Variants in SLC39A8 observed in about 807,000 individuals in gnomAD.
SLC39A8 encodes the protein metal cation symporter ZIP8.
In SLC39A8, 15 loss-of-function variants were observed where a neutral mutation model predicts 40.4. The observed-to-expected ratio is 0.37, with a 90% confidence interval of 0.25 to 0.57. The LOEUF is 0.57. Ranked by LOEUF, SLC39A8 falls within the 20% of genes least tolerant of loss-of-function variation. The probability of loss-of-function intolerance (pLI) is 0.75; values close to 1 mark genes in which losing one functional copy is unlikely to be tolerated. For synonymous variants in SLC39A8, 223 were observed against 221.6 expected (o/e 1.01, Z -0.06); for missense variants, 472 against 558.8 (o/e 0.84, Z 1.57).
In SLC39A8 at chr4:102,267,547, T is replaced by C; in HGVS notation, c.1176A>G (p.Pro392=). The C allele has an allele frequency of 6.2e-7, 1 of 1,614,016 alleles. No individual in the cohort carries two copies. Among genetic ancestry groups the C allele is most frequent in the East Asian group, 2.2e-5 (1 of 44,876 alleles). Residue 392 remains proline, a synonymous_variant, in exon 8 of 9, where the codon CCA becomes CCG. Coordinates refer to ENST00000356736, the MANE Select transcript of SLC39A8 (RefSeq NM_001135146.2). ...FGILVGNNFA[P]NIIFALAGGM... ...CTCCAGCAAGTGCAAATATAATATT[T>C]GGAGCGAAATTGTTGCCCACCAAAA...
In SLC39A8 at chr4:102,304,373, C is replaced by T; in HGVS notation, c.784G>A (p.Val262Ile). The T allele has an allele frequency of 1.2e-6, 2 of 1,611,676 alleles. No homozygotes were observed. Among genetic ancestry groups the T allele is most frequent in the Non-Finnish European group, 8.5e-7 (1 of 1,178,414 alleles). The part of the protein sequence containing the change: ...NGVTCYANPA[V>I]TEANGHIHFD... ...TGGATATGTCCATTAGCTTCTGTGA[C>T]AGCAGGATTTGCATAGCATGTCACA... The change falls in exon 6 of 9, where the codon GTC (valine) becomes ATC (isoleucine). Residue 262 changes from valine (V) to isoleucine (I), a missense_variant. By Grantham distance (29) the Val-to-Ile change is conservative (BLOSUM62 3). This residue lies in a region of SLC39A8 where 239 missense variants were observed against 317.9 expected (regional missense o/e 0.75). Transcript: ENST00000356736.
intron 2 of SLC39A8, among the ~76,000 whole-genome samples, chr4:102,317,494 G>A (rs1416068495): frequency 6.6e-6 from 1 of 152,148 alleles, no homozygotes; most frequent in East Asian, 1.9e-4. Context: ...AGCTCAGAAT[G>A]ATGTATAATA....
chr4:102,328,615 T>C (rs1299524405), intron 2 of SLC39A8, among the ~76,000 whole-genome samples: 1 of 152,252 alleles, frequency 6.6e-6, no homozygotes, highest in African/African-American at 2.4e-5. Context: ...ATTTCTTGAA[T>C]ATCGCCTAAA....
At chr4:102,341,113 G>C (rs560658364) in intron 2 of SLC39A8, among the ~76,000 whole-genome samples, 7 of 152,130 alleles carry the variant, frequency 4.6e-5, no homozygotes, top group South Asian at 2.1e-4. Context: ...GTGTTGCTTT[G>C]AGAAGACTGA....
intron 11 of SLC39A8, among the ~76,000 whole-genome samples, chr4:102,254,613 C>T (rs1323850920): frequency 6.6e-6 from 1 of 152,208 alleles, no homozygotes; most frequent in African/African-American, 2.4e-5. Context: ...AATAACTTGA[C>T]AACCAGGTGA....
rs201150885 is a variant in SLC39A8, at chr4:102,267,906, T to C, written c.1014A>G (p.Ile338Met). ...GGGGAAACTCCTCACATAGGATTGC[T>C]ATGGAAGTACTGAGTCCCTGAAGGA... ...LSLLQGLSTS[I>M]AILCEEFPHE... Residue 338 changes from isoleucine to methionine, a missense_variant, in exon 7 of 9, where the codon ATA becomes ATG. By Grantham distance (10) the Ile-to-Met change is conservative. This residue lies in a region of SLC39A8 where 239 missense variants were observed against 317.9 expected (regional missense o/e 0.75). Coordinates refer to ENST00000356736, the MANE Select transcript of SLC39A8 (RefSeq NM_001135146.2). 2.2e-5 allele frequency: 35 copies of C among 1,614,152 alleles called. No individual in the cohort carries two copies. Among genetic ancestry groups the C allele is most frequent in the East Asian group, 1.6e-4 (7 of 44,882 alleles).
At chr4:102,277,060 T>C (rs1732649924) in intron 6 of SLC39A8, among the ~76,000 whole-genome samples, 1 of 152,144 alleles carries the variant, frequency 6.6e-6, no homozygotes. Flanking sequence ...CTGGAAGCAG[T>C]CCCTTTGAAA....
intron 6 of SLC39A8, among the ~76,000 whole-genome samples, chr4:102,274,916 A>G (rs1345317872): frequency 6.6e-6 from 1 of 152,200 alleles, no homozygotes; most frequent in Non-Finnish European, 1.5e-5. Flanking sequence ...GGATTTTGTC[A>G]CCACCAGGCC....
rs182786433 is a variant in SLC39A8, at chr4:102,296,977, G to T, written c.840+7340C>A. ...GGAACATAGCTTGTGGCCCACGCCT[G>T]TAGTCCTAATTACTCTGAAGGCGGA... On this transcript the variant is annotated intron_variant, in intron 6 of 8. Transcript: ENST00000356736. Among the ~76,000 whole-genome samples the T allele has an allele frequency of 2.9e-3, 436 of 152,250 alleles. 1 individual carries two copies. The highest frequency in any genetic ancestry group is 0.01 in the African/African-American group (420 of 41,574).
intron 2 of SLC39A8, among the ~76,000 whole-genome samples, chr4:102,323,779 T>C (rs542566353): frequency 2.8e-4 from 42 of 152,378 alleles, no homozygotes; most frequent in African/African-American, 9.1e-4. Context: ...TGTGTTCTCA[T>C]GCCTTTTGAC....
At chr4:102,293,848 T>C (rs1733564050) in intron 6 of SLC39A8, among the ~76,000 whole-genome samples, 1 of 151,738 alleles carries the variant, frequency 6.6e-6, no homozygotes, top group African/African-American at 2.4e-5. Flanking sequence ...GCAGACCTTG[T>C]CTTTATAGCT....
intron 3 of SLC39A8, among the ~76,000 whole-genome samples, chr4:102,308,932 G>C (rs1734307703): frequency 6.6e-6 from 1 of 152,060 alleles, no homozygotes; most frequent in Admixed American, 6.6e-5. Context: ...TAACCTGCCA[G>C]AATCACGCAG....
chr4:102,286,399 G>C (rs1308455236), intron 6 of SLC39A8, among the ~76,000 whole-genome samples: 2 of 152,104 alleles, frequency 1.3e-5, no homozygotes, highest in African/African-American at 4.8e-5. Context: ...AAGCCTAATT[G>C]ACTAAAACCT....
intron 2 of SLC39A8, among the ~76,000 whole-genome samples, chr4:102,316,737 G>C (rs1734677349): frequency 6.6e-6 from 1 of 152,128 alleles, no homozygotes; most frequent in South Asian, 2.1e-4. Flanking sequence ...TAAGACCTTA[G>C]CTATGTACTA....
In SLC39A8 at chr4:102,262,047, T is replaced by C; in HGVS notation, c.*997A>G. 2.0e-6 allele frequency: 2 copies of C among 986,028 alleles called. No individual in the cohort carries two copies. Among genetic ancestry groups the C allele is most frequent in the Non-Finnish European group, 2.4e-6 (2 of 829,920 alleles). 61.1% of individuals were successfully genotyped at this position (986,028 alleles called of 1,614,324 possible). A position where few individuals can be genotyped will look rare whatever the true frequency, so the allele number is the denominator to read the frequency against. ...TAGGCTGAACACAAAGGAAGTCTTTTCTGAATGGCTCTCGATCACACATAA... is the reference window on the plus strand; with the variant it reads ...TAGGCTGAACACAAAGGAAGTCTTTCCTGAATGGCTCTCGATCACACATAA... On this transcript the variant is annotated 3_prime_UTR_variant, in exon 9 of 9. Coordinates refer to ENST00000356736, the MANE Select transcript of SLC39A8 (RefSeq NM_001135146.2).
At chr4:102,290,734 A>T (rs1012098177) in intron 6 of SLC39A8, among the ~76,000 whole-genome samples, 1 of 152,052 alleles carries the variant, frequency 6.6e-6, no homozygotes, top group South Asian at 2.1e-4. Flanking sequence ...ATGTATTATC[A>T]TCGCTAGTCA....
chr4:102,284,843 TAA>T (rs1553913307), intron 6 of SLC39A8, among the ~76,000 whole-genome samples: 2 of 8,356 alleles, frequency 2.4e-4, no homozygotes, highest in African/African-American at 3.3e-3. Flanking sequence ...CAGGAAACTA[TAA>T]TGATGGCTGA....
At chr4:102,277,869 A>T (rs1399857165) in intron 6 of SLC39A8, among the ~76,000 whole-genome samples, 1 of 152,222 alleles carries the variant, frequency 6.6e-6, no homozygotes, top group Non-Finnish European at 1.5e-5. Context: ...AAACCTGACA[A>T]AAACAAGCAA....
At chr4:102,295,650 C>T (rs1269731668) in intron 6 of SLC39A8, among the ~76,000 whole-genome samples, 1 of 152,036 alleles carries the variant, frequency 6.6e-6, no homozygotes, top group Admixed American at 6.6e-5. Flanking sequence ...CTGCCTTGGC[C>T]TCTCAAAGTG....
Sources: gnomAD v4.1 joint callset for allele counts (sites outside exome capture counted in the v4.1 genomes callset) on GRCh38, gnomAD v4.1.1 for gene constraint, gnomAD v4.1.1 regional missense constraint, MANE v1.5 for transcripts, NCBI Gene and HGNC (gene_info 2026-07-23, HGNC 2026-07-21) for gene names.